Variants in EPHX2 observed in about 807,000 individuals in gnomAD.
EPHX2 encodes the protein epoxide hydrolase 2.
Under a neutral mutation model 78.7 loss-of-function variants are expected in EPHX2, and 74 were observed. The ratio of observed to expected loss-of-function variants is 0.94; its 90% CI spans 0.78 to 1.14. The LOEUF (loss-of-function observed/expected upper bound fraction) is 1.14. EPHX2 is among the 50% of genes most tolerant of loss of function. The pLI is 0.00. For synonymous variants in EPHX2, 251 were observed against 255.2 expected, an observed-to-expected ratio of 0.98 and a Z score of 0.16; for missense variants, 715 against 702.5, an observed-to-expected ratio of 1.02 and a Z score of -0.20.
intron 1 of EPHX2, among the ~76,000 whole-genome samples, chr8:27,498,160 G>T (rs1275795911): frequency 6.6e-6 from 1 of 152,166 alleles, no homozygotes; most frequent in East Asian, 1.9e-4. Context: ...ACCTTGATCT[G>T]CTTTAAATCA....
chr8:27,547,914 A>C (rs991567495), downstream of EPHX2, among the ~76,000 whole-genome samples: 4 of 152,162 alleles, frequency 2.6e-5, no homozygotes, highest in African/African-American at 9.7e-5. Context: ...TGAATAGTAA[A>C]AATATGTTAT....
chr8:27,543,380 C>A (rs1043140720), intron 16 of EPHX2, among the ~76,000 whole-genome samples: 3 of 152,100 alleles, frequency 2.0e-5, no homozygotes, highest in African/African-American at 7.2e-5. Flanking sequence ...ACTGTGGCTG[C>A]CCCCATTTTC....
At chr8:27,502,084 C>T (rs563937396) in intron 2 of EPHX2, among the ~76,000 whole-genome samples, 1 of 152,344 alleles carries the variant, frequency 6.6e-6, no homozygotes, top group South Asian at 2.1e-4. Flanking sequence ...GTAGGCAACA[C>T]ATAACCCCGC....
intron 2 of EPHX2, among the ~76,000 whole-genome samples, chr8:27,503,106 C>T (rs1161764838): frequency 6.6e-6 from 1 of 152,140 alleles, no homozygotes. Flanking sequence ...AAAGAGATCC[C>T]AGAGAGCTAT....
At chr8:27,510,031 GC>G (rs1490598871) in intron 5 of EPHX2, among the ~76,000 whole-genome samples, 8 of 152,172 alleles carry the variant, frequency 5.3e-5, no homozygotes, top group African/African-American at 1.9e-4. Context: ...TCAGGAGACA[GC>G]AGCCTGCCCT....
At chr8:27,533,286 G>T (rs772999586) in intron 12 of EPHX2, among the ~76,000 whole-genome samples, 2 of 152,202 alleles carry the variant, frequency 1.3e-5, no homozygotes, top group Non-Finnish European at 2.9e-5. Context: ...GCTGGTAACT[G>T]TCAGTACTTG....
rs138122754 is a variant in EPHX2 at position 27,507,695 on chromosome 8, T to A, written c.660+701T>A. 1.4e-3 allele frequency among the ~76,000 whole-genome samples: 220 copies of A among 152,320 alleles called. 2 individuals carry two copies. The highest frequency in any genetic ancestry group is 0.013 in the South Asian group (62 of 4,824). On this transcript the variant is annotated intron_variant, in intron 5 of 18. Transcript: ENST00000521400. ...GGGAAGTAGGTTAGTTTGCTCGGGCTGCCATAACAAAGTACTACAGGCTGT... is the reference window on the plus strand; with the variant it reads ...GGGAAGTAGGTTAGTTTGCTCGGGCAGCCATAACAAAGTACTACAGGCTGT...
intron 15 of EPHX2, among the ~76,000 whole-genome samples, chr8:27,540,892 G>T (rs1441806249): frequency 6.6e-6 from 1 of 152,194 alleles, no homozygotes; most frequent in Admixed American, 6.5e-5. Flanking sequence ...GCCCCCATAG[G>T]GCAGAGGGTT....
At chr8:27,543,697 A>T in intron 16 of EPHX2, 52 bp from the exon 17 acceptor site, 1 of 1,589,426 alleles carries the variant, frequency 6.3e-7, no homozygotes. Context: ...AGGAGGAGGG[A>T]GGGCTTCCTT....
chr8:27,510,694 C>G (rs1008089572), intron 5 of EPHX2, among the ~76,000 whole-genome samples: 5 of 152,158 alleles, frequency 3.3e-5, no homozygotes, highest in Non-Finnish European at 5.9e-5. Flanking sequence ...TGGCTCACTC[C>G]TGTAATCCCA....
chr8:27,515,451 GTTGTT>G (rs1393440584), intron 6 of EPHX2: 4 of 451,954 alleles, frequency 8.9e-6, no homozygotes, highest in Non-Finnish European at 1.6e-5. Flanking sequence ...GGAGAAGTGT[GTTGTT>G]TTGTTTTATT....
intron 6 of EPHX2, among the ~76,000 whole-genome samples, chr8:27,514,307 C>T (rs543675543): frequency 3.9e-5 from 6 of 152,266 alleles, no homozygotes; most frequent in Admixed American, 2.0e-4. Flanking sequence ...ACCATGTCCC[C>T]CACACTGCCC....
At chr8:27,506,735 G>A (rs778712083) in intron 4 of EPHX2, 137 bp from the exon 5 acceptor site, 26 of 1,251,616 alleles carry the variant, frequency 2.1e-5, no homozygotes, top group Non-Finnish European at 2.8e-5. Flanking sequence ...CGTATGTTGT[G>A]TAATTAAATG....
chr8:27,492,207 A>G (rs540218974), intron 1 of EPHX2, among the ~76,000 whole-genome samples: 44 of 152,276 alleles, frequency 2.9e-4, no homozygotes, highest in African/African-American at 8.7e-4. Flanking sequence ...TGCTTTTAAT[A>G]TAGTAAGGAA....
At chr8:27,518,121 C>T (rs778136742) in intron 9 of EPHX2, 49 bp downstream of exon 9, 4 of 1,532,974 alleles carry the variant, frequency 2.6e-6, no homozygotes, top group Non-Finnish European at 3.6e-6. Context: ...ATTTTTGTTG[C>T]TATAAACCCG....
At chr8:27,499,322 A>G (rs554868810) in intron 1 of EPHX2, among the ~76,000 whole-genome samples, 1 of 152,308 alleles carries the variant, frequency 6.6e-6, no homozygotes, top group South Asian at 2.1e-4. Context: ...CAGTAATTAT[A>G]CCTTAACAAA....
At chr8:27,491,409 CCCTGCG>C in intron 1 of EPHX2, 100 bp downstream of exon 1, 4 of 870,742 alleles carry the variant, frequency 4.6e-6, no homozygotes, top group African/African-American at 1.8e-5. Flanking sequence ...TGTGCCGGAG[CCCTGCG>C]AATCATGCGA....
At chr8:27,526,508 T>A (rs567599556) in intron 12 of EPHX2, among the ~76,000 whole-genome samples, 1 of 152,188 alleles carries the variant, frequency 6.6e-6, no homozygotes, top group African/African-American at 2.4e-5. Context: ...ATAGTCTCGA[T>A]GGTGAGACTA....
chr8:27,498,452 T>C (rs1297060332), intron 1 of EPHX2, among the ~76,000 whole-genome samples: 2 of 152,104 alleles, frequency 1.3e-5, no homozygotes, highest in Non-Finnish European at 2.9e-5. Flanking sequence ...GTTTTATAGA[T>C]TCAGTGGTAT....
Sources: gnomAD v4.1 joint callset for allele counts (sites outside exome capture counted in the v4.1 genomes callset) on GRCh38, gnomAD v4.1.1 for gene constraint, MANE v1.5 for transcripts, NCBI Gene and HGNC (gene_info 2026-07-23, HGNC 2026-07-21) for gene names.